The following KCNMA1 variants were observed in gnomAD, a reference collection of about 807,000 sequenced individuals.
The protein encoded by KCNMA1 is potassium calcium-activated channel subfamily M alpha 1, also known as Calcium-activated potassium channel subunit alpha-1.
In KCNMA1, 29 loss-of-function variants were observed where a neutral mutation model predicts 140.0. That is an observed-to-expected ratio of 0.21 (90% CI 0.15 to 0.28). KCNMA1 has a LOEUF of 0.28. Among genes scored for constraint, KCNMA1 ranks in the 10% least tolerant of loss-of-function variants. The pLI, the probability that KCNMA1 is intolerant of heterozygous loss-of-function variation, is 1.00. For missense variants in KCNMA1, 880 were observed against 1,602.2 expected (o/e 0.55, Z 7.70); for synonymous variants, 612 against 611.9 (o/e 1.00, Z 0.00).
chr10:77,411,105 C>A (rs192592597), intron 1 of KCNMA1, among the ~76,000 whole-genome samples: 1 of 152,322 alleles, frequency 6.6e-6, no homozygotes, highest in East Asian at 1.9e-4. Context: ...TGGGTTCAAG[C>A]GATTCTCCTG....
At chr10:77,261,074 G>A (rs898558760) in intron 2 of KCNMA1, among the ~76,000 whole-genome samples, 1 of 152,026 alleles carries the variant, frequency 6.6e-6, no homozygotes, top group Non-Finnish European at 1.5e-5. Context: ...AACCACCTGG[G>A]GGTCTCTATC....
chr10:77,218,726 G>T (rs924382025), intron 3 of KCNMA1, among the ~76,000 whole-genome samples: 2 of 148,458 alleles, frequency 1.3e-5, no homozygotes, highest in Non-Finnish European at 2.9e-5. Context: ...TCACTCCATC[G>T]ACCAGGCTGG....
chr10:77,264,866 C>T (rs2062988384), intron 2 of KCNMA1, among the ~76,000 whole-genome samples: 1 of 152,098 alleles, frequency 6.6e-6, no homozygotes, highest in South Asian at 2.1e-4. Context: ...CCCACACCAG[C>T]CTACAAGTCA....
At chr10:77,236,800 T>C (rs1295853194) in intron 3 of KCNMA1, among the ~76,000 whole-genome samples, 6 of 152,194 alleles carry the variant, frequency 3.9e-5, no homozygotes, top group Non-Finnish European at 8.8e-5. Flanking sequence ...ATCAATCTCA[T>C]GTTTTATTTA....
chr10:77,302,772 A>G (rs2076832281), intron 2 of KCNMA1, among the ~76,000 whole-genome samples: 1 of 152,164 alleles, frequency 6.6e-6, no homozygotes, highest in Non-Finnish European at 1.5e-5. Context: ...ATGCAAAAAA[A>G]GGCAACAGTG....
intron 2 of KCNMA1, among the ~76,000 whole-genome samples, chr10:77,402,969 G>A (rs1714496569): frequency 6.6e-6 from 1 of 152,166 alleles, no homozygotes; most frequent in Admixed American, 6.5e-5. Context: ...AAGAAAGCAA[G>A]CTAGGGCTTT....
At chr10:77,386,265 A>G (rs1237128362) in intron 2 of KCNMA1, among the ~76,000 whole-genome samples, 1 of 152,214 alleles carries the variant, frequency 6.6e-6, no homozygotes, top group Non-Finnish European at 1.5e-5. Context: ...AATCCTGGCC[A>G]CCTCAAATGC....
intron 3 of KCNMA1, among the ~76,000 whole-genome samples, chr10:77,217,922 T>A (rs999085764): frequency 2.6e-5 from 4 of 152,180 alleles, no homozygotes; most frequent in Admixed American, 1.3e-4. Flanking sequence ...GAGACCAAAA[T>A]GCTTTACAAA....
chr10:77,264,622 A>G (rs1176564482), intron 2 of KCNMA1, among the ~76,000 whole-genome samples: 1 of 152,192 alleles, frequency 6.6e-6, no homozygotes, highest in Non-Finnish European at 1.5e-5. Flanking sequence ...GAGCTTTGAC[A>G]TAGTTATCAG....
intron 1 of KCNMA1, among the ~76,000 whole-genome samples, chr10:77,578,184 C>A (rs923568648): frequency 1.3e-5 from 2 of 152,200 alleles, no homozygotes; most frequent in Non-Finnish European, 2.9e-5. Context: ...CCAAGGGGTT[C>A]CTTTAATGGC....
At chr10:76,907,500 C>T (rs1346004192) in intron 25 of KCNMA1, among the ~76,000 whole-genome samples, 1 of 152,110 alleles carries the variant, frequency 6.6e-6, no homozygotes, top group Non-Finnish European at 1.5e-5. Flanking sequence ...TATGTGGTTG[C>T]ACAGGGCTGT....
At chr10:77,264,902 G>A (rs990608544) in intron 2 of KCNMA1, among the ~76,000 whole-genome samples, 2 of 152,108 alleles carry the variant, frequency 1.3e-5, no homozygotes, top group Non-Finnish European at 1.5e-5. Flanking sequence ...AGTGCACAAA[G>A]TTGCTGAGTA....
At chr10:76,966,085 C>A (rs1265511345) in intron 20 of KCNMA1, among the ~76,000 whole-genome samples, 3 of 152,142 alleles carry the variant, frequency 2.0e-5, no homozygotes, top group African/African-American at 7.2e-5. Flanking sequence ...TGTGGAAGTT[C>A]TTTAAGGGAT....
chr10:77,492,117 T>A (rs570469260), intron 1 of KCNMA1, among the ~76,000 whole-genome samples: 1 of 152,352 alleles, frequency 6.6e-6, no homozygotes, highest in East Asian at 1.9e-4. Context: ...AGTGTGCTAA[T>A]GACAACCTTC....
chr10:77,446,170 C>T (rs1229773260), intron 1 of KCNMA1, among the ~76,000 whole-genome samples: 1 of 152,220 alleles, frequency 6.6e-6, no homozygotes, highest in Non-Finnish European at 1.5e-5. Flanking sequence ...GTGTCCCACT[C>T]TTACAGCCCC....
At chr10:77,301,464 G>A (rs2076508604) in intron 2 of KCNMA1, among the ~76,000 whole-genome samples, 2 of 152,232 alleles carry the variant, frequency 1.3e-5, no homozygotes, top group South Asian at 2.1e-4. Context: ...AAACTTTTAA[G>A]TAAATCTGTT....
chr10:77,230,172 A>G (rs1232093108), intron 3 of KCNMA1, among the ~76,000 whole-genome samples: 1 of 152,246 alleles, frequency 6.6e-6, no homozygotes, highest in African/African-American at 2.4e-5. Flanking sequence ...CATTATGTCA[A>G]TGAAGGAAGC....
At chr10:77,621,141 T>C (rs2091242411) in intron 1 of KCNMA1, among the ~76,000 whole-genome samples, 1 of 152,214 alleles carries the variant, frequency 6.6e-6, no homozygotes. Context: ...TAATAATGTA[T>C]TTCCAGGCCA....
rs144774276 is a variant in KCNMA1, at chr10:77,060,871, G to A, written c.1749+12226C>T. 7.0e-3 allele frequency among the ~76,000 whole-genome samples: 1,066 copies of A among 152,256 alleles called. 19 individuals carry two copies. Among genetic ancestry groups the A allele is most frequent in the African/African-American group, 0.024 (1,005 of 41,552 alleles). ...ATGCGATGACAGGGACAAGAGCCAAGGAATGTGGTCAGCCTCCAGAAGCTA... is the reference window on the plus strand; with the variant it reads ...ATGCGATGACAGGGACAAGAGCCAAAGAATGTGGTCAGCCTCCAGAAGCTA... On this transcript the variant is annotated intron_variant, in intron 14 of 27. Transcript: ENST00000286628.
Sources: allele counts gnomAD v4.1 joint callset (sites outside exome capture counted in the v4.1 genomes callset), GRCh38; gene constraint gnomAD v4.1.1; transcripts MANE v1.5; gene names NCBI Gene and HGNC (gene_info 2026-07-23, HGNC 2026-07-21).